The following LRRIQ1 variants were observed in gnomAD, a reference collection of about 807,000 sequenced individuals.
LRRIQ1 encodes leucine rich repeats and IQ motif containing 1, also known as leucine-rich repeat- and IQ domain-containing protein 1.
In LRRIQ1, 210 loss-of-function variants were observed where a neutral mutation model predicts 211.9. The ratio of observed to expected loss-of-function variants is 0.99; its 90% CI spans 0.89 to 1.11. LRRIQ1 has a LOEUF of 1.11. LRRIQ1 is among the 50% of genes most tolerant of loss of function. LRRIQ1 has a pLI of 0.00. For synonymous variants in LRRIQ1, 699 were observed against 650.1 expected (o/e 1.08, Z -1.14); for missense variants, 2,136 against 1,939.5 (o/e 1.10, Z -1.90).
intron 11 of LRRIQ1, among the ~76,000 whole-genome samples, chr12:85,075,099 T>C (rs1883494420): frequency 6.6e-6 from 1 of 152,156 alleles, no homozygotes; most frequent in Admixed American, 6.6e-5. Context: ...ATTTAAGTGC[T>C]TTATACAAAT....
chr12:85,137,970 G>T lies in LRRIQ1; in HGVS notation c.4329+1G>T. The T allele has an allele frequency of 7.2e-7, 1 of 1,387,756 alleles. No individual in the cohort carries two copies. Among genetic ancestry groups the T allele is most frequent in the Non-Finnish European group, 1.0e-6 (1 of 993,038 alleles). The allele number at this position is 1,387,756 out of a possible 1,614,324, so 86.0% of individuals were successfully genotyped here. ...TTTAGAGGATTTTATATTTGATGAAGTAAGTACGAACTATAGTATATAAAT... is the reference window on the plus strand; with the variant it reads ...TTTAGAGGATTTTATATTTGATGAATTAAGTACGAACTATAGTATATAAAT... On this transcript the variant is annotated splice_donor_variant, in intron 19 of 26. Transcript: ENST00000393217. LOFTEE classifies it high-confidence loss of function.
intron 15 of LRRIQ1, among the ~76,000 whole-genome samples, chr12:85,113,282 AT>A (rs1306250026): frequency 1.3e-5 from 2 of 152,142 alleles, no homozygotes; most frequent in Non-Finnish European, 1.5e-5. Flanking sequence ...ACATATATTC[AT>A]TTACGCAGAG....
intron 8 of LRRIQ1, among the ~76,000 whole-genome samples, chr12:85,060,546 A>G (rs1881670883): frequency 2.6e-5 from 4 of 152,024 alleles, no homozygotes; most frequent in Middle Eastern, 3.4e-3. Flanking sequence ...AAGAAGTCTC[A>G]CTTCTCTTAT....
At chr12:85,068,092 T>C (rs1430471822) in intron 10 of LRRIQ1, among the ~76,000 whole-genome samples, 1 of 151,912 alleles carries the variant, frequency 6.6e-6, no homozygotes, top group Non-Finnish European at 1.5e-5. Context: ...CATGATGAAA[T>C]TCTCAAGGGC....
chr12:85,162,267 A>T (rs1890926153), intron 24 of LRRIQ1, among the ~76,000 whole-genome samples: 1 of 152,160 alleles, frequency 6.6e-6, no homozygotes, highest in Non-Finnish European at 1.5e-5. Context: ...TAATATTTTG[A>T]TAGAATTAAA....
chr12:85,135,842 T>C (rs533200468), intron 18 of LRRIQ1, among the ~76,000 whole-genome samples: 4 of 151,962 alleles, frequency 2.6e-5, no homozygotes, highest in Non-Finnish European at 4.4e-5. Flanking sequence ...GAATCAGTCA[T>C]TTGTCTAAAG....
chr12:85,086,197 AT>A (rs1357358788), intron 11 of LRRIQ1, among the ~76,000 whole-genome samples: 1 of 151,994 alleles, frequency 6.6e-6, no homozygotes, highest in Non-Finnish European at 1.5e-5. Context: ...GACGCAGAGC[AT>A]TTTTTTCACA....
At chr12:85,083,828 C>T (rs1161916348) in intron 11 of LRRIQ1, among the ~76,000 whole-genome samples, 2 of 152,130 alleles carry the variant, frequency 1.3e-5, no homozygotes, top group African/African-American at 4.8e-5. Flanking sequence ...TTGTGTCATC[C>T]AGATACAGCC....
chr12:85,136,850 A>G (rs1186364302), intron 18 of LRRIQ1, among the ~76,000 whole-genome samples: 1 of 151,854 alleles, frequency 6.6e-6, no homozygotes, highest in Non-Finnish European at 1.5e-5. Context: ...GTCACTTTAA[A>G]TAACTTGTAT....
rs138005105 is a variant in LRRIQ1 at position 85,236,700 on chromosome 12, C to T, written c.5016+3944C>T. 7.3e-5 allele frequency among the ~76,000 whole-genome samples: 11 copies of T among 150,788 alleles called. No homozygotes were observed. In the East Asian group the frequency reaches 2.1e-3, roughly 29 times the overall value. On this transcript the variant is annotated intron_variant, in intron 26 of 26. Coordinates refer to ENST00000393217, the MANE Select transcript of LRRIQ1 (RefSeq NM_001079910.2). The stretch of plus-strand genomic sequence containing the variant: ...TGAATACCCTATTAGTCTGCAAGCC[C>T]GTTCTTGGAGGAAAAAAAGATACAT...
At chr12:85,233,008 A>G (rs1288841688) in intron 26 of LRRIQ1, 1 of 354,342 alleles carries the variant, frequency 2.8e-6, no homozygotes, top group East Asian at 5.4e-5. Context: ...ACAACTTTAA[A>G]ATAAAATTAC....
intron 3 of LRRIQ1, 43 bp from the exon 4 acceptor site, chr12:85,044,675 G>A (rs1879313347): frequency 3.0e-6 from 3 of 1,000,668 alleles, no homozygotes; most frequent in Non-Finnish European, 4.6e-6. Context: ...ATGTTGTATT[G>A]TACTCTAATA....
chr12:85,134,809 T>A (rs909401444), intron 18 of LRRIQ1, among the ~76,000 whole-genome samples: 1 of 152,198 alleles, frequency 6.6e-6, no homozygotes, highest in South Asian at 2.1e-4. Context: ...AGACCCCATA[T>A]ACCTACCTTC....
At chr12:85,216,246 C>T (rs1048624807) in intron 24 of LRRIQ1, among the ~76,000 whole-genome samples, 2 of 152,114 alleles carry the variant, frequency 1.3e-5, no homozygotes, top group Admixed American at 6.5e-5. Flanking sequence ...TCAACTCCCA[C>T]TTATGAGTGA....
chr12:85,153,712 AAG>A lies in LRRIQ1; in HGVS notation c.4594_4595del (p.Ser1532PhefsTer5). The A allele has an allele frequency of 6.3e-7, 1 of 1,586,908 alleles. No individual in the cohort carries two copies. The highest frequency in any genetic ancestry group is 8.6e-7 in the Non-Finnish European group (1 of 1,168,690). On this transcript the variant is annotated frameshift_variant, in exon 22 of 27. Transcript: ENST00000393217. LOFTEE classifies it high-confidence loss of function. ...SWTPESKTSR[K>X]SLLKSEKEKK... ...GACACCTGAATCAAAGACCAGTAGA[AAG>A]AGTTTGCTAAAATCTGAAAAAGAAA...
chr12:85,038,854 T>C (rs1878508471), intron 2 of LRRIQ1, among the ~76,000 whole-genome samples: 2 of 151,598 alleles, frequency 1.3e-5, no homozygotes, highest in South Asian at 2.1e-4. Flanking sequence ...CTGATAGTTA[T>C]TGTACATATG....
rs1395261847 is a variant in LRRIQ1 at position 85,153,757 on chromosome 12, T to TA, written c.4636_4637insA (p.Trp1546Ter). 2 of 1,519,126 alleles carry TA rather than the reference T, an allele frequency of 1.3e-6. No individual in the cohort carries two copies. The highest frequency in any genetic ancestry group is 1.8e-6 in the Non-Finnish European group (2 of 1,119,136). The allele number at this position is 1,519,126 out of a possible 1,614,324, so 94.1% of individuals were successfully genotyped here. A position where few individuals can be genotyped will look rare whatever the true frequency, so the allele number is the denominator to read the frequency against. ...SEKEKKISEEWGFKDISTAQQ... is the reference protein window; with the variant it reads ...SEKEKKISEE ...AAAAGAAAAAAAAATTTCAGAAGAA[T>TA]GGTATGTAGTCAATTTGACACTAAT... The change falls in exon 22 of 27, where the codon TGG becomes TAGG. Residue 1546 changes from tryptophan (W) to a stop codon, truncating the protein, a stop_gained and frameshift_variant and splice_region_variant. Transcript: ENST00000393217. LOFTEE classifies it high-confidence loss of function.
chr12:85,148,819 T>C (rs1890056610), intron 19 of LRRIQ1, among the ~76,000 whole-genome samples: 1 of 151,902 alleles, frequency 6.6e-6, no homozygotes, highest in Admixed American at 6.6e-5. Flanking sequence ...CTGTTGTTTC[T>C]TTACATTTTA....
In LRRIQ1 at chr12:85,136,697, G is replaced by GTA. The variant is rs1437472966; in HGVS notation, c.4210-1141_4210-1140dup. Among the ~76,000 whole-genome samples the GTA allele has an allele frequency of 3.5e-4, 53 of 150,040 alleles. No homozygotes were observed. In the South Asian group the frequency reaches 8.0e-3, roughly 23 times the overall value. ...TTCACTTTGCTCTCTCTCTCTTTCT[G>GTA]TATATATATATATTTCAGAATGAAA... On this transcript the variant is annotated intron_variant, in intron 18 of 26. Coordinates refer to ENST00000393217, the MANE Select transcript of LRRIQ1 (RefSeq NM_001079910.2).
Sources: allele counts gnomAD v4.1 joint callset (sites outside exome capture counted in the v4.1 genomes callset), GRCh38; gene constraint gnomAD v4.1.1; transcripts MANE v1.5; gene names NCBI Gene and HGNC (gene_info 2026-07-23, HGNC 2026-07-21).